NHERF2: variants seen among roughly 807,000 people sequenced by gnomAD.
NHERF2 encodes NHERF family PDZ scaffold protein 2, also known as Na(+)/H(+) exchange regulatory cofactor NHE-RF2.
At chr16:2,035,670 G>A in the NHERF2 span, 2 of 985,810 alleles carry the variant, frequency 2.0e-6, no homozygotes, top group Non-Finnish European at 2.4e-6. Context: ...CCCTGGCCCA[G>A]AGCCCTACCG....
the NHERF2 span, among the ~76,000 whole-genome samples, chr16:2,031,727 C>T: frequency 2.0e-5 from 3 of 152,192 alleles, no homozygotes; most frequent in Non-Finnish European, 2.9e-5. Context: ...CTTCTGGCAT[C>T]AAGACCTGAG....
the NHERF2 span, chr16:2,032,948 G>A: frequency 9.1e-7 from 1 of 1,093,400 alleles, no homozygotes; most frequent in Non-Finnish European, 1.1e-6. The surrounding 1 kb of genome is among the most constrained non-coding windows in gnomAD (Gnocchi z 4.0). Flanking sequence ...GCGGGAGGCG[G>A]CTGTGTGGTT....
At chr16:2,038,833 G>C in the NHERF2 span, 1 of 155,924 alleles carries the variant, frequency 6.4e-6, no homozygotes, top group Non-Finnish European at 1.4e-5. Flanking sequence ...AGGTGTGTGA[G>C]AGCGGCACCC....
At chr16:2,035,643 GCCTTGCCTGCATGGTC>G in the NHERF2 span, 1 of 986,096 alleles carries the variant, frequency 1.0e-6, no homozygotes, top group Non-Finnish European at 1.2e-6. Context: ...ATTGGGCCTG[GCCTTGCCTGCATGGTC>G]CCCTGGCCCA....
At chr16:2,033,644 C>T in the NHERF2 span, among the ~76,000 whole-genome samples, 1 of 152,206 alleles carries the variant, frequency 6.6e-6, no homozygotes, top group Non-Finnish European at 1.5e-5. Context: ...ACAGGCATGG[C>T]TGGGGGACCA....
chr16:2,036,998 G>A, the NHERF2 span: 13 of 1,550,194 alleles, frequency 8.4e-6, no homozygotes, highest in Non-Finnish European at 1.1e-5. Context: ...GCCCTGCCCA[G>A]GTAAGAGGGT....
At chr16:2,037,655 G>A in the NHERF2 span, 3 of 1,586,994 alleles carry the variant, frequency 1.9e-6, no homozygotes, top group Middle Eastern at 1.7e-4. Flanking sequence ...AGGCCTTGGG[G>A]TAGGCGTCTG....
chr16:2,027,445 C>T, the NHERF2 span, among the ~76,000 whole-genome samples: 2 of 152,222 alleles, frequency 1.3e-5, no homozygotes, highest in Admixed American at 6.5e-5. Flanking sequence ...CGGCTCCTGG[C>T]CGCTGGCCTC....
the NHERF2 span, among the ~76,000 whole-genome samples, chr16:2,034,410 C>A: frequency 9.6e-5 from 1 of 10,456 alleles, no homozygotes; most frequent in African/African-American, 5.6e-4. Context: ...GCCTGGGGGC[C>A]GTGCTCCACC....
chr16:2,036,046 C>T, the NHERF2 span: 6 of 463,936 alleles, frequency 1.3e-5, no homozygotes, highest in Admixed American at 3.7e-5. Flanking sequence ...TGCCTGTGCG[C>T]CACGCTGGCC....
the NHERF2 span, chr16:2,033,126 AC>A: frequency 7.1e-7 from 1 of 1,400,990 alleles, no homozygotes; most frequent in Non-Finnish European, 9.3e-7. Context: ...CTTTCTTGGG[AC>A]GGAAGCCTAG....
the NHERF2 span, among the ~76,000 whole-genome samples, chr16:2,031,675 G>T: frequency 6.6e-6 from 1 of 152,136 alleles, no homozygotes; most frequent in East Asian, 1.9e-4. Flanking sequence ...AGGGGCTCCA[G>T]GAGGTCAGGG....
chr16:2,035,084 G>T, the NHERF2 span, among the ~76,000 whole-genome samples: 1 of 152,276 alleles, frequency 6.6e-6, no homozygotes, highest in Non-Finnish European at 1.5e-5. Context: ...CGGGCTGGGT[G>T]GTGGCCATGC....
the NHERF2 span, among the ~76,000 whole-genome samples, chr16:2,030,521 G>A: frequency 7.9e-5 from 12 of 152,186 alleles, no homozygotes; most frequent in African/African-American, 2.4e-4. Flanking sequence ...TGGGAGGGGC[G>A]GCCTGGCAGG....
At chr16:2,036,331 G>T in the NHERF2 span, 1 of 1,607,832 alleles carries the variant, frequency 6.2e-7, no homozygotes, top group Non-Finnish European at 8.5e-7. Context: ...CAGGATGTCA[G>T]TGGGCCCCTG....
At chr16:2,033,912 T>C in the NHERF2 span, among the ~76,000 whole-genome samples, 3 of 152,184 alleles carry the variant, frequency 2.0e-5, no homozygotes, top group Admixed American at 6.5e-5. Context: ...CTGGCGCCAC[T>C]GGGACCCTGC....
chr16:2,028,677 A>C, the NHERF2 span, among the ~76,000 whole-genome samples: 1 of 152,132 alleles, frequency 6.6e-6, no homozygotes, highest in African/African-American at 2.4e-5. Context: ...GGCCTGGCTC[A>C]GTCCCTCCTA....
chr16:2,038,206 A>T, the NHERF2 span: 1 of 600,996 alleles, frequency 1.7e-6, no homozygotes, highest in Non-Finnish European at 2.9e-6. Context: ...TGTGAGAGAG[A>T]GTCAGAGACA....
At chr16:2,032,043 G>A in the NHERF2 span, among the ~76,000 whole-genome samples, 4 of 147,110 alleles carry the variant, frequency 2.7e-5, no homozygotes, top group South Asian at 6.4e-4. This position sits in a 1 kb window ranked among gnomAD's most constrained non-coding sequence, Gnocchi z 4.0. Flanking sequence ...TTTTTGAGAC[G>A]GAGTTTCACT....
Sources: gnomAD v4.1 joint callset for allele counts (sites outside exome capture counted in the v4.1 genomes callset) on GRCh38, gnomAD v4.1.1 for gene constraint, Gnocchi (gnomAD v3.1) non-coding constraint, MANE v1.5 for transcripts, NCBI Gene and HGNC (gene_info 2026-07-23, HGNC 2026-07-21) for gene names.